The following IP6K1 variants were observed in gnomAD, a reference collection of about 807,000 sequenced individuals.
IP6K1 encodes inositol hexakisphosphate kinase 1, also known as ATP:1D-myo-inositol-hexakisphosphate phosphotransferase.
Under a neutral mutation model 38.3 loss-of-function variants are expected in IP6K1, and 13 were observed. The ratio of observed to expected loss-of-function variants is 0.34; its 90% CI spans 0.22 to 0.54. The LOEUF is 0.54. Among genes scored for constraint, IP6K1 ranks in the 20% least tolerant of loss-of-function variants. The pLI is 0.92. For synonymous variants in IP6K1, 212 were observed against 229.9 expected (o/e 0.92, Z 0.70); for missense variants, 397 against 599.8 (o/e 0.66, Z 3.53).
intron 1 of IP6K1, among the ~76,000 whole-genome samples, chr3:49,782,177 CTT>C (rs113029787): frequency 4.0e-5 from 6 of 148,498 alleles, no homozygotes; most frequent in Admixed American, 6.7e-5. Context: ...TCTGCTTTTT[CTT>C]TTTTTTTTTG....
intron 1 of IP6K1, among the ~76,000 whole-genome samples, chr3:49,756,456 A>C (rs1226698540): frequency 6.6e-6 from 1 of 152,184 alleles, no homozygotes; most frequent in Non-Finnish European, 1.5e-5. Context: ...GGGAAAGGAG[A>C]TATGTGAAGA....
chr3:49,737,113 G>A (rs1428717379), intron 3 of IP6K1, among the ~76,000 whole-genome samples: 1 of 119,020 alleles, frequency 8.4e-6, no homozygotes, highest in Non-Finnish European at 1.7e-5. Context: ...GTCTCACTAT[G>A]TTGCCCAAGC....
In IP6K1 at chr3:49,725,850, A is replaced by C. The variant is rs184487665; in HGVS notation, c.*1272T>G. 3 of 152,358 alleles carry C rather than the reference A, an allele frequency of 2.0e-5. No individual in the cohort carries two copies. The highest frequency in any genetic ancestry group is 4.4e-5 in the Non-Finnish European group (3 of 68,062). 9.4% of individuals were successfully genotyped at this position (152,358 alleles called of 1,614,324 possible). On this transcript the variant is annotated 3_prime_UTR_variant, in exon 6 of 6. Coordinates refer to ENST00000321599, the MANE Select transcript of IP6K1 (RefSeq NM_153273.4). ...GGTGCTGGGTCAACAGGGAAACACC[A>C]ATTTATTCTGCTATCAGGTCTTTAT... is the stretch of plus-strand genomic sequence containing the variant.
At position 49,725,442 on chromosome 3, in the gene IP6K1, G is replaced by A. The variant is rs2080490719; in HGVS notation, c.*1680C>T. The A allele has an allele frequency of 6.6e-6, 1 of 152,326 alleles. No homozygotes were observed. The highest frequency in any genetic ancestry group is 2.1e-4 in the South Asian group (1 of 4,836). The allele number at this position is 152,326 out of a possible 1,614,324, so 9.4% of individuals were successfully genotyped here. ...TCCCAGCCCCAAAGAATGGGAACCTGCCCACCAGTGGCACCAGGGCTGGGG... is the reference window on the plus strand; with the variant it reads ...TCCCAGCCCCAAAGAATGGGAACCTACCCACCAGTGGCACCAGGGCTGGGG... On this transcript the variant is annotated 3_prime_UTR_variant, in exon 6 of 6. Transcript: ENST00000321599.
At chr3:49,772,700 G>C (rs1292163212) in intron 1 of IP6K1, among the ~76,000 whole-genome samples, 1 of 150,802 alleles carries the variant, frequency 6.6e-6, no homozygotes, top group Non-Finnish European at 1.5e-5. Flanking sequence ...ACCACACCCA[G>C]CCTCTCTCTA....
chr3:49,765,667 G>A (rs2080905009), intron 1 of IP6K1, among the ~76,000 whole-genome samples: 2 of 147,030 alleles, frequency 1.4e-5, no homozygotes, highest in South Asian at 2.1e-4. Context: ...AAAAAAAAGG[G>A]CCGCTGTCAC....
intron 1 of IP6K1, among the ~76,000 whole-genome samples, chr3:49,751,615 A>G (rs549407677): frequency 1.3e-5 from 2 of 152,230 alleles, no homozygotes; most frequent in Admixed American, 1.3e-4. Context: ...TAGAGCCCCA[A>G]TCTTATTCAG....
chr3:49,768,008 T>C (rs1285312943), intron 1 of IP6K1, among the ~76,000 whole-genome samples: 2 of 145,680 alleles, frequency 1.4e-5, no homozygotes, highest in Non-Finnish European at 3.0e-5. Context: ...AAAGCCACAA[T>C]GAGAAACTAC....
Position 49,726,188 on chromosome 3 carries a change from TG to T in IP6K1, c.*933del, listed in dbSNP as rs1256287703. ...CCAAGAGCGCCTCACAAAGGGCTGCTGCCTTGAACTTGGCCTGGGGAAATGA... is the reference window on the plus strand; with the variant it reads ...CCAAGAGCGCCTCACAAAGGGCTGCTCCTTGAACTTGGCCTGGGGAAATGA... On this transcript the variant is annotated 3_prime_UTR_variant, in exon 6 of 6. Transcript: ENST00000321599. The T allele has an allele frequency of 6.5e-6, 1 of 152,714 alleles. No homozygotes were observed. The highest frequency in any genetic ancestry group is 1.5e-5 in the Non-Finnish European group (1 of 68,080). 9.5% of individuals were successfully genotyped at this position (152,714 alleles called of 1,614,324 possible). A position where few individuals can be genotyped will look rare whatever the true frequency, so the allele number is the denominator to read the frequency against.
intron 1 of IP6K1, among the ~76,000 whole-genome samples, chr3:49,768,302 G>C (rs1309732014): frequency 6.6e-6 from 1 of 152,078 alleles, no homozygotes; most frequent in African/African-American, 2.4e-5. Context: ...TCCATCAACA[G>C]ATAAATGGAT....
intron 1 of IP6K1, among the ~76,000 whole-genome samples, chr3:49,772,073 A>C (rs1291219460): frequency 1.3e-5 from 2 of 151,946 alleles, no homozygotes; most frequent in African/African-American, 4.8e-5. Context: ...AGCTGGGTGC[A>C]GCAGTGCACA....
rs2080634517 is a variant in IP6K1, at chr3:49,738,415, T to C, written c.231A>G (p.Val77=). 5 of 1,613,598 alleles carry C rather than the reference T, an allele frequency of 3.1e-6. No homozygotes were observed. The highest frequency in any genetic ancestry group is 3.4e-6 in the Non-Finnish European group (4 of 1,179,506). The stretch of plus-strand genomic sequence containing the variant: ...CACTGTCCCCCTCAAAACAGACAGA[T>C]ACCACGCCTGTTAAAAAAAGGGCAG... ...KEFTPEYKGV[V]SVCFEGDSDG... is the part of the protein sequence containing the mutation. Residue 77 remains valine (V), a synonymous_variant, in exon 3 of 6, where the codon GTA becomes GTG. Transcript: ENST00000321599.
chr3:49,763,230 A>T (rs2108251319), intron 1 of IP6K1, among the ~76,000 whole-genome samples: 1 of 147,342 alleles, frequency 6.8e-6, no homozygotes, highest in South Asian at 2.1e-4. Flanking sequence ...AAGCCTCCCC[A>T]GCAGCTGGGA....
chr3:49,779,223 T>C (rs1167094612), intron 1 of IP6K1, among the ~76,000 whole-genome samples: 2 of 152,226 alleles, frequency 1.3e-5, no homozygotes, highest in South Asian at 2.1e-4. Context: ...AATGGAATCA[T>C]GTAAATGTGA....
chr3:49,769,421 G>A (rs1435900827), intron 1 of IP6K1, among the ~76,000 whole-genome samples: 1 of 152,140 alleles, frequency 6.6e-6, no homozygotes, highest in East Asian at 1.9e-4. Flanking sequence ...TAGATCAATG[G>A]AACAGAACAC....
intron 2 of IP6K1, among the ~76,000 whole-genome samples, chr3:49,739,090 G>A (rs891770670): frequency 6.6e-6 from 1 of 152,068 alleles, no homozygotes; most frequent in Non-Finnish European, 1.5e-5. Context: ...CCTCTCAAGT[G>A]TTCTTAATAC....
At chr3:49,743,279 C>CACACACACA (rs775492367) in intron 2 of IP6K1, among the ~76,000 whole-genome samples, 1 of 147,054 alleles carries the variant, frequency 6.8e-6, no homozygotes. Context: ...CACACACACA[C>CACACACACA]ACTTACCTTT....
At chr3:49,768,443 GA>G (rs1334105165) in intron 1 of IP6K1, among the ~76,000 whole-genome samples, 10 of 152,118 alleles carry the variant, frequency 6.6e-5, no homozygotes, top group African/African-American at 2.4e-4. Flanking sequence ...GCACAAAAGG[GA>G]AAAAATTATA....
At chr3:49,767,597 TAAC>T (rs2080923046) in intron 1 of IP6K1, among the ~76,000 whole-genome samples, 2 of 142,252 alleles carry the variant, frequency 1.4e-5, no homozygotes, top group South Asian at 2.3e-4. Flanking sequence ...ATAATAATAA[TAAC>T]AACAACTTAA....
Sources: gnomAD v4.1 joint callset for allele counts (sites outside exome capture counted in the v4.1 genomes callset) on GRCh38, gnomAD v4.1.1 for gene constraint, MANE v1.5 for transcripts, NCBI Gene and HGNC (gene_info 2026-07-23, HGNC 2026-07-21) for gene names.